SLC6A2: variants seen among roughly 807,000 people sequenced by gnomAD.
SLC6A2 encodes sodium-dependent noradrenaline transporter.
SLC6A2 carries 26 observed loss-of-function variants against 71.7 expected under a neutral mutation model. The ratio of observed to expected loss-of-function variants is 0.36; its 90% CI spans 0.27 to 0.50. The LOEUF (loss-of-function observed/expected upper bound fraction) is 0.50. SLC6A2 is among the 20% of genes least tolerant of loss of function. The pLI is 0.96. For missense variants in SLC6A2, 581 were observed against 803.9 expected (o/e 0.72, Z 3.35); for synonymous variants, 363 against 337.9 (o/e 1.07, Z -0.82).
chr16:55,688,784 G>A (rs537208980), intron 5 of SLC6A2, among the ~76,000 whole-genome samples: 1 of 152,182 alleles, frequency 6.6e-6, no homozygotes, highest in South Asian at 2.1e-4. Flanking sequence ...AGCAAGGCTT[G>A]CACAACTTCA....
rs1965659152 is a variant in SLC6A2, at chr16:55,692,299, C to A, written c.918+247C>A. 2.0e-5 allele frequency among the ~76,000 whole-genome samples: 3 copies of A among 152,192 alleles called. No homozygotes were observed. The South Asian group carries it at 6.2e-4, about 32-fold the overall frequency. Reference sequence around the variant, plus strand: ...GGTTGCATCTGGTGGTCTTCACAGACTACTCTTTTTGAGGAGAGAAATTCC... The same window carrying A: ...GGTTGCATCTGGTGGTCTTCACAGAATACTCTTTTTGAGGAGAGAAATTCC... On this transcript the variant is annotated intron_variant, in intron 6 of 14. Coordinates refer to ENST00000568943, the MANE Select transcript of SLC6A2 (RefSeq NM_001172501.3).
chr16:55,670,300 G>T (rs1214163414), intron 3 of SLC6A2, among the ~76,000 whole-genome samples: 3 of 152,182 alleles, frequency 2.0e-5, no homozygotes, highest in African/African-American at 7.2e-5. Context: ...GGGCCAGTGT[G>T]ACTCCCATGA....
chr16:55,673,491 G>C (rs529167655), intron 4 of SLC6A2, among the ~76,000 whole-genome samples: 1 of 152,086 alleles, frequency 6.6e-6, no homozygotes, highest in Non-Finnish European at 1.5e-5. Context: ...GATGATTCTT[G>C]CAAGTAAGGA....
At chr16:55,667,703 T>C (rs1219102037) in intron 2 of SLC6A2, among the ~76,000 whole-genome samples, 1 of 152,234 alleles carries the variant, frequency 6.6e-6, no homozygotes, top group Non-Finnish European at 1.5e-5. Flanking sequence ...GGCTGTAGCA[T>C]TGGGCCAGCC....
chr16:55,688,006 C>T (rs1440623564), intron 5 of SLC6A2, among the ~76,000 whole-genome samples: 1 of 152,214 alleles, frequency 6.6e-6, no homozygotes, highest in East Asian at 1.9e-4. Context: ...CATCCGAAAC[C>T]ACAGCCCACA....
chr16:55,686,900 A>T (rs1212655601), intron 5 of SLC6A2, among the ~76,000 whole-genome samples: 1 of 152,214 alleles, frequency 6.6e-6, no homozygotes, highest in Non-Finnish European at 1.5e-5. Context: ...TAATTGAAGG[A>T]TGGGTGGGTA....
intron 2 of SLC6A2, among the ~76,000 whole-genome samples, chr16:55,657,961 T>A (rs543517406): frequency 2.0e-5 from 3 of 152,004 alleles, no homozygotes; most frequent in East Asian, 3.9e-4. Context: ...GCAAAGAGTG[T>A]GGGAAAATAG....
At chr16:55,677,321 C>T (rs981085037) in intron 4 of SLC6A2, among the ~76,000 whole-genome samples, 1 of 152,124 alleles carries the variant, frequency 6.6e-6, no homozygotes, top group Non-Finnish European at 1.5e-5. Context: ...TGGTTGCACC[C>T]TCTCCCCCTC....
chr16:55,686,085 C>G (rs1313702737), intron 5 of SLC6A2, among the ~76,000 whole-genome samples: 1 of 152,158 alleles, frequency 6.6e-6, no homozygotes, highest in Admixed American at 6.5e-5. Context: ...GTGCAACAAA[C>G]CACCCCAAAA....
At chr16:55,671,703 C>T (rs1212596652) in intron 3 of SLC6A2, 3 of 762,004 alleles carry the variant, frequency 3.9e-6, no homozygotes, top group Non-Finnish European at 4.1e-6. Flanking sequence ...ATCTAACTAA[C>T]GCCTGATGAC....
chr16:55,700,407 C>A, intron 13 of SLC6A2, 101 bp downstream of exon 13: 1 of 1,069,542 alleles, frequency 9.3e-7, no homozygotes, highest in Non-Finnish European at 1.3e-6. Context: ...GACAGAAGGA[C>A]ACAGACACTA....
At chr16:55,665,401 G>A (rs1289384708) in intron 2 of SLC6A2, among the ~76,000 whole-genome samples, 9 of 152,154 alleles carry the variant, frequency 5.9e-5, no homozygotes, top group Non-Finnish European at 1.3e-4. Flanking sequence ...GCTTCCCTAA[G>A]TGTGGACCAA....
intron 11 of SLC6A2, among the ~76,000 whole-genome samples, chr16:55,699,060 C>G (rs1389312595): frequency 1.3e-5 from 2 of 152,110 alleles, no homozygotes; most frequent in African/African-American, 2.4e-5. Context: ...TTTTACAAAC[C>G]CTTAAATGTG....
At chr16:55,664,736 C>G (rs1964701386) in intron 2 of SLC6A2, among the ~76,000 whole-genome samples, 1 of 152,194 alleles carries the variant, frequency 6.6e-6, no homozygotes, top group Non-Finnish European at 1.5e-5. Flanking sequence ...CACATTTAGA[C>G]AAGTCACATA....
chr16:55,691,230 GGA>G lies in SLC6A2; in HGVS notation c.784-637_784-636del, dbSNP rs56308124. On this transcript the variant is annotated intron_variant, in intron 5 of 14. Transcript: ENST00000568943. ...AAAGAGAGGGGGGGAGGGGAGAGGG[GGA>G]GAGAGAGAGAGAGAGAGAGAGAGAG... is the stretch of plus-strand genomic sequence containing the variant. Among the ~76,000 whole-genome samples, 47 of 46,450 alleles carry G rather than the reference GGA, an allele frequency of 1.0e-3. 1 individual carries two copies. Among genetic ancestry groups the G allele is most frequent in the African/African-American group, 3.5e-3 (34 of 9,756 alleles). 30.5% of individuals were successfully genotyped at this position (46,450 alleles called of 152,430 possible).
intron 4 of SLC6A2, among the ~76,000 whole-genome samples, chr16:55,673,702 C>T (rs561946872): frequency 6.6e-6 from 1 of 152,290 alleles, no homozygotes; most frequent in South Asian, 2.1e-4. Context: ...GCCGGGATTA[C>T]AAGTGTGCAC....
At chr16:55,688,559 G>A (rs1965525918) in intron 5 of SLC6A2, among the ~76,000 whole-genome samples, 1 of 152,152 alleles carries the variant, frequency 6.6e-6, no homozygotes, top group Non-Finnish European at 1.5e-5. Context: ...CTTAGAGTAG[G>A]TCCTGGGCAG....
intron 5 of SLC6A2, among the ~76,000 whole-genome samples, chr16:55,690,223 A>G (rs562291257): frequency 6.6e-6 from 1 of 152,306 alleles, no homozygotes; most frequent in African/African-American, 2.4e-5. Flanking sequence ...TTCGTACAAT[A>G]AACATTTATT....
In SLC6A2 at chr16:55,705,293, C is replaced by T. The variant is rs142384163; in HGVS notation, c.*2947C>T. On this transcript the variant is annotated 3_prime_UTR_variant, in exon 15 of 15. Transcript: ENST00000568943. The stretch of plus-strand genomic sequence containing the variant: ...GCTGAACAGAAATCCCTGAAGCTGC[C>T]TTAATTCTCAAAAGGAGTTACCGCT... 2.6e-4 allele frequency: 391 copies of T among 1,526,198 alleles called. 1 individual carries two copies. In the African/African-American group the frequency reaches 4.5e-3, roughly 18 times the overall value. The allele number at this position is 1,526,198 out of a possible 1,614,324, so 94.5% of individuals were successfully genotyped here.
Sources: allele counts gnomAD v4.1 joint callset (sites outside exome capture counted in the v4.1 genomes callset), GRCh38; gene constraint gnomAD v4.1.1; transcripts MANE v1.5; gene names NCBI Gene and HGNC (gene_info 2026-07-23, HGNC 2026-07-21).